The following SLC2A12 variants were observed in gnomAD, a reference collection of about 807,000 sequenced individuals.
The protein encoded by SLC2A12 is solute carrier family 2 member 12.
SLC2A12 carries 23 observed loss-of-function variants against 41.8 expected under a neutral mutation model. That is an observed-to-expected ratio of 0.55 (90% confidence interval 0.40 to 0.78). The LOEUF (loss-of-function observed/expected upper bound fraction) is 0.78, where lower values mean the gene tolerates loss of function less well. SLC2A12 is among the 30% of genes least tolerant of loss of function. The pLI, the probability that SLC2A12 is intolerant of heterozygous loss-of-function variation, is 0.00. For synonymous variants in SLC2A12, 295 were observed against 285.9 expected (o/e 1.03, Z -0.32); for missense variants, 654 against 745.6 (o/e 0.88, Z 1.43).
intron 1 of SLC2A12, among the ~76,000 whole-genome samples, chr6:134,033,083 T>C (rs1052489489): frequency 1.3e-5 from 2 of 151,770 alleles, no homozygotes; most frequent in African/African-American, 2.4e-5. Context: ...ATATAACATG[T>C]GGGGCACATT....
chr6:134,023,061 C>T (rs1034995869), intron 2 of SLC2A12, among the ~76,000 whole-genome samples: 3 of 152,142 alleles, frequency 2.0e-5, no homozygotes, highest in Admixed American at 6.5e-5. Context: ...CAAAGCTCCC[C>T]CTTTGCCCCA....
At chr6:134,001,339 C>T (rs1776752228) in intron 4 of SLC2A12, among the ~76,000 whole-genome samples, 1 of 152,134 alleles carries the variant, frequency 6.6e-6, no homozygotes, top group African/African-American at 2.4e-5. Flanking sequence ...TAGTTTTAAT[C>T]AGTAGCACAG....
chr6:134,021,092 T>C (rs960406256), intron 2 of SLC2A12, among the ~76,000 whole-genome samples: 2 of 152,242 alleles, frequency 1.3e-5, no homozygotes, highest in Non-Finnish European at 2.9e-5. Flanking sequence ...ATCAGAAAGA[T>C]ATTTTTTAAA....
At chr6:133,992,084 C>T (rs1776630669) in intron 4 of SLC2A12, among the ~76,000 whole-genome samples, 1 of 152,122 alleles carries the variant, frequency 6.6e-6, no homozygotes, top group East Asian at 1.9e-4. Context: ...TGCAGAGAAT[C>T]CCAGAGACCT....
intron 1 of SLC2A12, among the ~76,000 whole-genome samples, chr6:134,051,683 A>G (rs538434325): frequency 6.6e-6 from 1 of 152,362 alleles, no homozygotes; most frequent in Non-Finnish European, 1.5e-5. Context: ...AGATCATTAA[A>G]TGAATTAAAA....
chr6:134,036,179 T>A (rs779306020), intron 1 of SLC2A12, among the ~76,000 whole-genome samples: 6 of 152,234 alleles, frequency 3.9e-5, no homozygotes, highest in Admixed American at 6.5e-5. Context: ...TTTTTTTCTT[T>A]TTTTGGCAGG....
chr6:134,022,992 T>C (rs886154085), intron 2 of SLC2A12, among the ~76,000 whole-genome samples: 12 of 152,228 alleles, frequency 7.9e-5, no homozygotes, highest in African/African-American at 2.2e-4. Context: ...AACAAACTCA[T>C]GTTACCTTTG....
chr6:133,997,089 A>C (rs1421272435), intron 4 of SLC2A12, among the ~76,000 whole-genome samples: 24 of 114,610 alleles, frequency 2.1e-4, no homozygotes, highest in Non-Finnish European at 3.3e-4. Context: ...AAAATACAAA[A>C]AAAAAAAAAA....
intron 1 of SLC2A12, among the ~76,000 whole-genome samples, chr6:134,039,437 A>T (rs1777350520): frequency 6.6e-6 from 1 of 152,254 alleles, no homozygotes; most frequent in Admixed American, 6.5e-5. Flanking sequence ...AACAGAAATC[A>T]GATGCTTTCC....
At chr6:134,020,919 T>C (rs1407485694) in intron 2 of SLC2A12, among the ~76,000 whole-genome samples, 3 of 152,196 alleles carry the variant, frequency 2.0e-5, no homozygotes, top group African/African-American at 7.2e-5. Context: ...CTCCATGTTG[T>C]AGCAAAAAGC....
In SLC2A12 at chr6:134,028,992, C is replaced by T. The variant is rs771962470; in HGVS notation, c.833G>A (p.Arg278Gln). 16 of 1,614,056 alleles carry T rather than the reference C, an allele frequency of 9.9e-6. No individual in the cohort carries two copies. Among genetic ancestry groups the T allele is most frequent in the Admixed American group, 3.3e-5 (2 of 59,994 alleles). Residue 278 changes from arginine to glutamine, a missense_variant, in exon 2 of 5, where the codon CGA becomes CAA. Arg to Gln is a conservative substitution (Grantham distance 43). This residue lies in a region of SLC2A12 where 411 missense variants were observed against 412.1 expected (regional missense o/e 1.00). Transcript: ENST00000275230. ...TACTAGTGTTAGTCCTATCATTATT[C>T]GGGTCCGCATGTTGTCTTTTGAACG... ...LFRSKDNMRTRIMIGLTLVFF... is the reference protein window; with the variant it reads ...LFRSKDNMRTQIMIGLTLVFF...
In SLC2A12 at chr6:134,018,522, C is replaced by T. The variant is rs567960351; in HGVS notation, c.1444+9859G>A. 9.2e-5 allele frequency among the ~76,000 whole-genome samples: 14 copies of T among 152,232 alleles called. No homozygotes were observed. The East Asian group carries it at 1.7e-3, about 19-fold the overall frequency. ...ATGTCCTCAAAGCCATCTGACCTGC[C>T]ATTAGCCCTGCTTCAAGACCCCCTC... On this transcript the variant is annotated intron_variant, in intron 2 of 4. Transcript: ENST00000275230.
intron 2 of SLC2A12, among the ~76,000 whole-genome samples, chr6:134,010,873 C>T (rs1233478592): frequency 6.6e-6 from 1 of 152,146 alleles, no homozygotes; most frequent in Non-Finnish European, 1.5e-5. Context: ...TTGTGTGTTT[C>T]CCCCTCCTAC....
At chr6:134,010,223 A>C (rs1427112087) in intron 2 of SLC2A12, among the ~76,000 whole-genome samples, 1 of 152,168 alleles carries the variant, frequency 6.6e-6, no homozygotes, top group East Asian at 1.9e-4. Flanking sequence ...CCTTTTCCCA[A>C]TGAGATGGCC....
chr6:134,051,072 G>A (rs1172844014), intron 1 of SLC2A12, among the ~76,000 whole-genome samples: 1 of 152,086 alleles, frequency 6.6e-6, no homozygotes, highest in Non-Finnish European at 1.5e-5. Context: ...GTGCCACTAT[G>A]CTCAGCTAAT....
chr6:134,028,567 T>C lies in SLC2A12; in HGVS notation c.1258A>G (p.Met420Val). The part of the protein sequence containing the change: ...GISSHSRSSL[M>V]PLRNDVDKRG... ...TTATCCACATCATTTCTCAGGGGCA[T>C]GAGTGAGCTTCTGCTATGGGAAGAA... The change falls in exon 2 of 5, where the codon ATG becomes GTG. Residue 420 changes from methionine (M) to valine (V), a missense_variant. By Grantham distance (21) the Met-to-Val change is conservative. Coordinates refer to ENST00000275230, the MANE Select transcript of SLC2A12 (RefSeq NM_145176.3). 6.2e-7 allele frequency: 1 copy of C among 1,614,180 alleles called. No homozygotes were observed. The highest frequency in any genetic ancestry group is 8.5e-7 in the Non-Finnish European group (1 of 1,180,018).
Position 134,028,680 on chromosome 6 carries a change from A to G in SLC2A12, c.1145T>C (p.Ile382Thr). Residue 382 changes from isoleucine to threonine, a missense_variant, in exon 2 of 5, where the codon ATC becomes ACC. By Grantham distance (89) the Ile-to-Thr change is moderately conservative (BLOSUM62 -1). This residue lies in a region of SLC2A12 where 411 missense variants were observed against 412.1 expected (regional missense o/e 1.00). Coordinates refer to ENST00000275230, the MANE Select transcript of SLC2A12 (RefSeq NM_145176.3). The part of the protein sequence containing the change: ...FTHICRSHNS[I>T]NQSLDESVIY... Reference sequence around the variant, plus strand: ...CACAGACTCATCCAAGGACTGGTTGATAGAATTGTGGCTTCTGCAGATATG... The same window carrying G: ...CACAGACTCATCCAAGGACTGGTTGGTAGAATTGTGGCTTCTGCAGATATG... 2 of 1,614,172 alleles carry G rather than the reference A, an allele frequency of 1.2e-6. No individual in the cohort carries two copies. Among genetic ancestry groups the G allele is most frequent in the Non-Finnish European group, 8.5e-7 (1 of 1,180,028 alleles).
At chr6:133,999,250 C>G (rs995823122) in intron 4 of SLC2A12, among the ~76,000 whole-genome samples, 1 of 152,130 alleles carries the variant, frequency 6.6e-6, no homozygotes, top group African/African-American at 2.4e-5. Flanking sequence ...TCAAAGTTAG[C>G]TAAAATGTAG....
In SLC2A12 at chr6:134,028,571, T is replaced by C; in HGVS notation, c.1254A>G (p.Ser418=). 1 of 1,614,036 alleles carries C rather than the reference T, an allele frequency of 6.2e-7. No individual in the cohort carries two copies. ...FKGISSHSRS[S]LMPLRNDVDK... The stretch of plus-strand genomic sequence containing the variant: ...CCACATCATTTCTCAGGGGCATGAG[T>C]GAGCTTCTGCTATGGGAAGAAATCC... Residue 418 remains serine, a synonymous_variant, in exon 2 of 5, where the codon TCA becomes TCG. Transcript: ENST00000275230.
Sources: allele counts gnomAD v4.1 joint callset (sites outside exome capture counted in the v4.1 genomes callset), GRCh38; gene constraint gnomAD v4.1.1; regional missense constraint gnomAD v4.1.1; transcripts MANE v1.5; gene names NCBI Gene and HGNC (gene_info 2026-07-23, HGNC 2026-07-21).